The following SPRR2G variants were observed in gnomAD, a reference collection of about 807,000 sequenced individuals.
SPRR2G encodes small proline rich protein 2G.
A neutral mutation model predicts 0.7 loss-of-function variants in SPRR2G; 1 was observed. That is an observed-to-expected ratio of 1.49 (90% CI 0.53 to 7.06). The LOEUF is 7.06. SPRR2G is among the 30% of genes most tolerant of loss of function. The pLI, the probability that SPRR2G is intolerant of heterozygous loss-of-function variation, is 0.14. For missense variants in SPRR2G, 96 were observed against 88.5 expected (o/e 1.09, Z -0.34); for synonymous variants, 38 against 33.9 (o/e 1.12, Z -0.42).
chr1:153,170,013 C>G, the SPRR2G span, among the ~76,000 whole-genome samples: 1 of 152,138 alleles, frequency 6.6e-6, no homozygotes, highest in Non-Finnish European at 1.5e-5. Context: ...TTTATATTAA[C>G]TAATATAACT....
chr1:153,197,300 G>A, the SPRR2G span, among the ~76,000 whole-genome samples: 11 of 152,008 alleles, frequency 7.2e-5, no homozygotes, highest in Non-Finnish European at 1.3e-4. Flanking sequence ...GATGGCGGCT[G>A]TATCCTGGAC....
the SPRR2G span, among the ~76,000 whole-genome samples, chr1:153,160,773 T>C: frequency 6.6e-6 from 1 of 151,284 alleles, no homozygotes; most frequent in East Asian, 1.9e-4. Context: ...AACATGCTGC[T>C]ATAAAGACAT....
At chr1:153,196,527 G>A in the SPRR2G span, among the ~76,000 whole-genome samples, 1 of 152,204 alleles carries the variant, frequency 6.6e-6, no homozygotes, top group South Asian at 2.1e-4. Context: ...TATTCCAACT[G>A]CTACTGTTCC....
upstream of SPRR2G, among the ~76,000 whole-genome samples, chr1:153,151,338 C>A (rs995994410): frequency 3.3e-5 from 5 of 152,270 alleles, no homozygotes; most frequent in Admixed American, 3.3e-4. Context: ...AACTAACTTC[C>A]CCTTTTATCA....
chr1:153,185,880 T>G, the SPRR2G span, among the ~76,000 whole-genome samples: 1 of 152,208 alleles, frequency 6.6e-6, no homozygotes, highest in East Asian at 1.9e-4. Flanking sequence ...TTTATGCTGC[T>G]TTAGCTGTGT....
At chr1:153,181,310 A>G in the SPRR2G span, among the ~76,000 whole-genome samples, 2 of 152,136 alleles carry the variant, frequency 1.3e-5, no homozygotes, top group African/African-American at 4.8e-5. Flanking sequence ...TTTATGGGGT[A>G]CATGTGACAT....
the SPRR2G span, among the ~76,000 whole-genome samples, chr1:153,194,039 A>G: frequency 1.3e-5 from 2 of 152,166 alleles, no homozygotes; most frequent in Non-Finnish European, 2.9e-5. Context: ...ACTTTCTTGG[A>G]TCCCATGCTT....
At chr1:153,157,892 T>A in the SPRR2G span, among the ~76,000 whole-genome samples, 1 of 127,068 alleles carries the variant, frequency 7.9e-6, no homozygotes, top group Admixed American at 9.7e-5. Flanking sequence ...AAGCAAAGCA[T>A]GTCTTACATG....
chr1:153,166,991 A>C, the SPRR2G span, among the ~76,000 whole-genome samples: 1 of 152,164 alleles, frequency 6.6e-6, no homozygotes, highest in African/African-American at 2.4e-5. Flanking sequence ...TGGAATGGAG[A>C]AGAGGGGCCG....
the SPRR2G span, among the ~76,000 whole-genome samples, chr1:153,159,623 C>T: frequency 1.3e-5 from 2 of 152,264 alleles, no homozygotes; most frequent in East Asian, 1.9e-4. Flanking sequence ...TCTCACACTG[C>T]TATAAAGATA....
chr1:153,191,412 A>C, the SPRR2G span: 1 of 152,218 alleles, frequency 6.6e-6, no homozygotes, highest in Non-Finnish European at 1.5e-5. Context: ...TTGGCCTTGA[A>C]AATAATTTAC....
At chr1:153,179,999 C>G in the SPRR2G span, among the ~76,000 whole-genome samples, 3 of 152,184 alleles carry the variant, frequency 2.0e-5, no homozygotes, top group African/African-American at 7.2e-5. Context: ...GGCACTGACT[C>G]TTATGCTGAC....
the SPRR2G span, among the ~76,000 whole-genome samples, chr1:153,178,060 T>C: frequency 1.8e-4 from 27 of 152,280 alleles, 1 homozygote; most frequent in African/African-American, 6.5e-4. Flanking sequence ...AAATTTTTGT[T>C]AAATATATTA....
At chr1:153,153,135 G>A (rs1028747458), upstream of SPRR2G, among the ~76,000 whole-genome samples, 17 of 152,264 alleles carry the variant, frequency 1.1e-4, no homozygotes, top group East Asian at 3.1e-3. Context: ...GTTATCTCAG[G>A]AGAATAGTTA....
chr1:153,157,432 G>A, the SPRR2G span, among the ~76,000 whole-genome samples: 168 of 152,284 alleles, frequency 1.1e-3, no homozygotes, highest in African/African-American at 3.6e-3. Flanking sequence ...AATTTTTGAA[G>A]CTAGGTGATG....
chr1:153,196,365 A>C, the SPRR2G span, among the ~76,000 whole-genome samples: 19 of 152,212 alleles, frequency 1.2e-4, no homozygotes, highest in Admixed American at 3.9e-4. Context: ...CTCAAGGGCC[A>C]TTTATGTTGT....
At chr1:153,180,999 CAT>C in the SPRR2G span, among the ~76,000 whole-genome samples, 1,540 of 152,004 alleles carry the variant, frequency 0.01, 21 homozygotes, top group African/African-American at 0.034. Context: ...AGTAGGAACA[CAT>C]GTGTATATAT....
At chr1:153,166,295 T>C in the SPRR2G span, among the ~76,000 whole-genome samples, 1 of 152,208 alleles carries the variant, frequency 6.6e-6, no homozygotes, top group Non-Finnish European at 1.5e-5. Context: ...GTTTTAGTTC[T>C]GATTATAGTA....
chr1:153,195,217 C>T, the SPRR2G span, among the ~76,000 whole-genome samples: 1 of 152,322 alleles, frequency 6.6e-6, no homozygotes. Flanking sequence ...CAGTACGTTG[C>T]TCCCTGCACC....
Sources: gnomAD v4.1 joint callset for allele counts (sites outside exome capture counted in the v4.1 genomes callset) on GRCh38, gnomAD v4.1.1 for gene constraint, MANE v1.5 for transcripts, NCBI Gene and HGNC (gene_info 2026-07-23, HGNC 2026-07-21) for gene names.